Variants in PPP2R2B observed in about 807,000 individuals in gnomAD.
PPP2R2B encodes the protein serine/threonine-protein phosphatase 2A 55 kDa regulatory subunit B beta isoform.
A neutral mutation model predicts 46.0 loss-of-function variants in PPP2R2B; 5 were observed. That is an observed-to-expected ratio of 0.11 (90% CI 0.06 to 0.23). The LOEUF (loss-of-function observed/expected upper bound fraction) is 0.23. PPP2R2B is among the 10% of genes least tolerant of loss of function. The probability of loss-of-function intolerance (pLI) is 1.00; values close to 1 mark genes in which losing one functional copy is unlikely to be tolerated. For synonymous variants in PPP2R2B, 215 were observed against 206.7 expected (o/e 1.04, Z -0.34); for missense variants, 367 against 575.0 (o/e 0.64, Z 3.70).
intron 1 of PPP2R2B, among the ~76,000 whole-genome samples, chr5:147,004,618 A>C (rs1160541831): frequency 2.0e-5 from 3 of 152,192 alleles, no homozygotes; most frequent in African/African-American, 7.2e-5. Context: ...TACCCTTATT[A>C]GGGATATATT....
At chr5:146,727,007 T>A (rs1372405229) in intron 2 of PPP2R2B, among the ~76,000 whole-genome samples, 1 of 152,192 alleles carries the variant, frequency 6.6e-6, no homozygotes. Flanking sequence ...TACTGAATGC[T>A]AGGTTTCATC....
At chr5:146,759,919 G>C (rs1164088912) in intron 2 of PPP2R2B, among the ~76,000 whole-genome samples, 1 of 152,146 alleles carries the variant, frequency 6.6e-6, no homozygotes, top group Non-Finnish European at 1.5e-5. Flanking sequence ...GTTATATGAT[G>C]TGCCAATAGT....
chr5:146,741,124 T>C (rs1331410576), intron 2 of PPP2R2B, among the ~76,000 whole-genome samples: 1 of 152,108 alleles, frequency 6.6e-6, no homozygotes, highest in African/African-American at 2.4e-5. Flanking sequence ...CATCCGCAAT[T>C]TGAAAAATTC....
chr5:146,606,302 G>A (rs904210906), intron 7 of PPP2R2B, among the ~76,000 whole-genome samples: 11 of 152,096 alleles, frequency 7.2e-5, no homozygotes, highest in African/African-American at 2.4e-4. Context: ...CCATGTAGAG[G>A]GGTTAGGAGG....
At chr5:146,907,116 G>C (rs1454517007) in intron 1 of PPP2R2B, among the ~76,000 whole-genome samples, 1 of 152,168 alleles carries the variant, frequency 6.6e-6, no homozygotes, top group East Asian at 1.9e-4. Flanking sequence ...GAAAGTACAG[G>C]AGGCTTTTGT....
chr5:146,673,555 G>A (rs1265961418), intron 5 of PPP2R2B, among the ~76,000 whole-genome samples: 1 of 152,082 alleles, frequency 6.6e-6, no homozygotes, highest in Non-Finnish European at 1.5e-5. Flanking sequence ...AACCTGAGGG[G>A]AAATGCATGG....
chr5:146,747,262 G>C (rs1753252302), intron 2 of PPP2R2B, among the ~76,000 whole-genome samples: 1 of 152,208 alleles, frequency 6.6e-6, no homozygotes, highest in Non-Finnish European at 1.5e-5. Context: ...GGGGACATGG[G>C]TGTAGATAGA....
chr5:146,943,089 G>A (rs1219379204), intron 1 of PPP2R2B, among the ~76,000 whole-genome samples: 4 of 151,992 alleles, frequency 2.6e-5, no homozygotes, highest in Non-Finnish European at 4.4e-5. Flanking sequence ...GAACTACTAC[G>A]CCCGGCCCAA....
At chr5:146,723,842 C>G (rs894029452) in intron 2 of PPP2R2B, among the ~76,000 whole-genome samples, 2 of 152,112 alleles carry the variant, frequency 1.3e-5, no homozygotes, top group East Asian at 3.9e-4. Flanking sequence ...AAGCTCCTCC[C>G]CCTCTTGGAG....
intron 5 of PPP2R2B, among the ~76,000 whole-genome samples, chr5:146,688,797 C>T (rs923075279): frequency 6.6e-6 from 1 of 152,164 alleles, no homozygotes; most frequent in South Asian, 2.1e-4. Flanking sequence ...TAGGATTCCA[C>T]GGTGGGGTCT....
At chr5:146,869,149 C>G (rs1761474351) in intron 2 of PPP2R2B, among the ~76,000 whole-genome samples, 1 of 152,148 alleles carries the variant, frequency 6.6e-6, no homozygotes, top group Non-Finnish European at 1.5e-5. Flanking sequence ...ATCAGGTATT[C>G]TCATTCTCTA....
chr5:146,870,384 A>C (rs540020709), intron 2 of PPP2R2B, among the ~76,000 whole-genome samples: 1 of 152,192 alleles, frequency 6.6e-6, no homozygotes, highest in Non-Finnish European at 1.5e-5. Flanking sequence ...AGAAGAAAAA[A>C]AAATGCCAGA....
At position 146,635,852 on chromosome 5, in the gene PPP2R2B, G is replaced by A. The variant is rs187173485; in HGVS notation, c.790+2399C>T. On this transcript the variant is annotated intron_variant, in intron 7 of 9. Transcript: ENST00000394411. ...TCAGGGGTTCATATAATGTGACCAA[G>A]TCAGATTCAGTTCTTATCCTCAAGG... 2.1e-3 allele frequency among the ~76,000 whole-genome samples: 326 copies of A among 152,322 alleles called. 3 individuals are homozygous for A. Among genetic ancestry groups the A allele is most frequent in the Non-Finnish European group, 6.5e-4 (44 of 68,014 alleles).
chr5:146,916,197 A>G (rs1332898531), intron 1 of PPP2R2B, among the ~76,000 whole-genome samples: 1 of 152,136 alleles, frequency 6.6e-6, no homozygotes, highest in African/African-American at 2.4e-5. Flanking sequence ...GCAAAGGGTT[A>G]GTACTTTTAA....
intron 2 of PPP2R2B, among the ~76,000 whole-genome samples, chr5:146,738,583 G>A (rs554577447): frequency 6.6e-6 from 1 of 152,166 alleles, no homozygotes; most frequent in African/African-American, 2.4e-5. Context: ...ACTCCCCAAA[G>A]TATTTTGCAC....
chr5:146,686,348 G>A (rs1395515656), intron 5 of PPP2R2B, among the ~76,000 whole-genome samples: 3 of 152,166 alleles, frequency 2.0e-5, no homozygotes, highest in Non-Finnish European at 4.4e-5. Flanking sequence ...AGAATGAATG[G>A]GAAATGTGGG....
At chr5:146,929,902 C>A (rs1582447327) in intron 1 of PPP2R2B, among the ~76,000 whole-genome samples, 1 of 152,084 alleles carries the variant, frequency 6.6e-6, no homozygotes, top group African/African-American at 2.4e-5. Flanking sequence ...GTAAAGAGGG[C>A]CTAATACATA....
intron 1 of PPP2R2B, among the ~76,000 whole-genome samples, chr5:147,015,455 C>T (rs1025247395): frequency 3.8e-4 from 57 of 151,588 alleles, no homozygotes; most frequent in African/African-American, 1.3e-3. Context: ...ACCTCCATAT[C>T]TATATTTGCC....
At chr5:146,985,522 G>A (rs536342815) in intron 1 of PPP2R2B, among the ~76,000 whole-genome samples, 7 of 152,026 alleles carry the variant, frequency 4.6e-5, no homozygotes, top group South Asian at 2.1e-4. Flanking sequence ...TTCTTCTAGC[G>A]GCTTTGCACT....
Sources: gnomAD v4.1 joint callset for allele counts (sites outside exome capture counted in the v4.1 genomes callset) on GRCh38, gnomAD v4.1.1 for gene constraint, MANE v1.5 for transcripts, NCBI Gene and HGNC (gene_info 2026-07-23, HGNC 2026-07-21) for gene names.